The following SCRN1 variants were observed in gnomAD, a reference collection of about 807,000 sequenced individuals.
SCRN1 encodes secernin 1, also known as secernin-1.
SCRN1 carries 19 observed loss-of-function variants against 43.3 expected under a neutral mutation model. That is an observed-to-expected ratio of 0.44 (90% CI 0.31 to 0.64). The LOEUF (loss-of-function observed/expected upper bound fraction) is 0.64. Among genes scored for constraint, SCRN1 ranks in the 30% least tolerant of loss-of-function variants. The pLI, the probability that SCRN1 is intolerant of heterozygous loss-of-function variation, is 0.09. For missense variants in SCRN1, 447 were observed against 524.1 expected (o/e 0.85, Z 1.44); for synonymous variants, 183 against 188.9 (o/e 0.97, Z 0.26).
rs918207126 is a variant in SCRN1 at position 29,924,194 on chromosome 7, G to T, written c.1087-79C>A. 4.2e-6 allele frequency: 6 copies of T among 1,441,074 alleles called. No individual in the cohort carries two copies. In the South Asian group the frequency reaches 8.2e-5, roughly 20 times the overall value. The allele number at this position is 1,441,074 out of a possible 1,614,324, so 89.3% of individuals were successfully genotyped here. Reference sequence around the variant, plus strand: ...AGCGGACACTGAAACCCTCTAGGGGGCCAGCTGGCTTCCTGCTCAAGGTCC... The same window carrying T: ...AGCGGACACTGAAACCCTCTAGGGGTCCAGCTGGCTTCCTGCTCAAGGTCC... On this transcript the variant is annotated intron_variant, in intron 7 of 7. Coordinates refer to ENST00000242059, the MANE Select transcript of SCRN1 (RefSeq NM_014766.5).
Position 29,923,889 on chromosome 7 carries a change from G to A in SCRN1, c.*68C>T, listed in dbSNP as rs1786851367. ...TCTCATTTTACTCAAACAGGAGAGT[G>A]GTTTGTTTTGCTGGTAATTTAGTAA... is the stretch of plus-strand genomic sequence containing the variant. On this transcript the variant is annotated 3_prime_UTR_variant, in exon 8 of 8. Coordinates refer to ENST00000242059, the MANE Select transcript of SCRN1 (RefSeq NM_014766.5). 1 of 1,487,600 alleles carries A rather than the reference G, an allele frequency of 6.7e-7. No individual in the cohort carries two copies. The highest frequency in any genetic ancestry group is 9.1e-7 in the Non-Finnish European group (1 of 1,098,934). The allele number at this position is 1,487,600 out of a possible 1,614,324, so 92.2% of individuals were successfully genotyped here.
At chr7:29,978,806 C>T (rs1788908325) in intron 1 of SCRN1, among the ~76,000 whole-genome samples, 1 of 152,198 alleles carries the variant, frequency 6.6e-6, no homozygotes, top group Non-Finnish European at 1.5e-5. Context: ...ACTAATTTTA[C>T]CTTTTGGCCA....
In SCRN1 at chr7:29,965,447, G is replaced by A. The variant is rs113702078; in HGVS notation, c.159+3462C>T. Among the ~76,000 whole-genome samples the A allele has an allele frequency of 7.6e-4, 115 of 152,232 alleles. No individual in the cohort carries two copies. Among genetic ancestry groups the A allele is most frequent in the African/African-American group, 2.2e-3 (90 of 41,530 alleles). On this transcript the variant is annotated intron_variant, in intron 2 of 7. Coordinates refer to ENST00000242059, the MANE Select transcript of SCRN1 (RefSeq NM_014766.5). This position sits in a 1 kb window ranked among gnomAD's most constrained non-coding sequence, Gnocchi z 4.2. ...ATGGACAAACAAGAGAGGGGGCAGC[G>A]GGACTCAGTGACAGCTGTCCCTGTG...
At chr7:29,925,354 C>T (rs185451634) in intron 7 of SCRN1, among the ~76,000 whole-genome samples, 12 of 152,230 alleles carry the variant, frequency 7.9e-5, no homozygotes, top group African/African-American at 2.9e-4. Context: ...TCTTGATATC[C>T]TTTTTCTATA....
In SCRN1 at chr7:29,921,154, T is replaced by C. The variant is rs1032343115; in HGVS notation, c.*2803A>G. The C allele has an allele frequency of 1.3e-5, 2 of 152,724 alleles. No individual in the cohort carries two copies. The highest frequency in any genetic ancestry group is 2.4e-5 in the African/African-American group (1 of 41,470). 9.5% of individuals were successfully genotyped at this position (152,724 alleles called of 1,614,324 possible). A position where few individuals can be genotyped will look rare whatever the true frequency, so the allele number is the denominator to read the frequency against. ...GGAGAGATTCTGTCCTTTCTGGCTATGGCTTCTTTCTGCACAAGCATGCTC... is the reference window on the plus strand; with the variant it reads ...GGAGAGATTCTGTCCTTTCTGGCTACGGCTTCTTTCTGCACAAGCATGCTC... On this transcript the variant is annotated 3_prime_UTR_variant, in exon 8 of 8. Transcript: ENST00000242059.
At chr7:29,924,568 C>T (rs1259953700) in intron 7 of SCRN1, among the ~76,000 whole-genome samples, 3 of 152,200 alleles carry the variant, frequency 2.0e-5, no homozygotes, top group Non-Finnish European at 2.9e-5. Context: ...TCCTCTTCCC[C>T]GCACAGTGCC....
At position 29,947,284 on chromosome 7, in the gene SCRN1, A is replaced by T. The variant is rs949090850; in HGVS notation, c.342-3105T>A. The T allele has an allele frequency of 1.9e-6, 3 of 1,550,702 alleles. No individual in the cohort carries two copies. In the African/African-American group the frequency reaches 4.1e-5, roughly 21 times the overall value. ...CCCATGACCTTCTCACAGGTATGTCAAGCTCACCCTGCCCGTTCCTGAAAA... is the reference window on the plus strand; with the variant it reads ...CCCATGACCTTCTCACAGGTATGTCTAGCTCACCCTGCCCGTTCCTGAAAA... On this transcript the variant is annotated intron_variant, in intron 3 of 7. Coordinates refer to ENST00000242059, the MANE Select transcript of SCRN1 (RefSeq NM_014766.5).
intron 3 of SCRN1, among the ~76,000 whole-genome samples, chr7:29,952,053 G>A (rs1787950779): frequency 6.6e-6 from 1 of 152,246 alleles, no homozygotes; most frequent in African/African-American, 2.4e-5. Context: ...CAAGGCCAGA[G>A]AAAGTAGTGG....
chr7:29,969,125 G>C lies in SCRN1; in HGVS notation c.-1-57C>G, dbSNP rs1292726593. ...AGGCCTCACATGGAACACTCCAACA[G>C]TGAGTTCTTCAAACATATTTCACCA... is the stretch of plus-strand genomic sequence containing the variant. On this transcript the variant is annotated intron_variant, in intron 1 of 7. Transcript: ENST00000242059. 13 of 1,565,718 alleles carry C rather than the reference G, an allele frequency of 8.3e-6. No homozygotes were observed. In the East Asian group the frequency reaches 9.3e-5, roughly 11 times the overall value.
In SCRN1 at chr7:29,950,058, T is replaced by A. The variant is rs1007023290; in HGVS notation, c.341+5121A>T. ...GGTGGGAGCCCCACCCCCTACCAAG[T>A]TGGCAGGGTGGGAGCCCCATGCTCC... is the stretch of plus-strand genomic sequence containing the variant. On this transcript the variant is annotated intron_variant, in intron 3 of 7. Coordinates refer to ENST00000242059, the MANE Select transcript of SCRN1 (RefSeq NM_014766.5). This position sits in a 1 kb window ranked among gnomAD's most constrained non-coding sequence, Gnocchi z 4.5. Among the ~76,000 whole-genome samples the A allele has an allele frequency of 2.0e-5, 3 of 152,104 alleles. No individual in the cohort carries two copies. The highest frequency in any genetic ancestry group is 4.4e-5 in the Non-Finnish European group (3 of 67,994).
At position 29,940,864 on chromosome 7, in the gene SCRN1, C is replaced by A; in HGVS notation, c.557G>T (p.Cys186Phe). 1 of 1,545,116 alleles carries A rather than the reference C, an allele frequency of 6.5e-7. No individual in the cohort carries two copies. The highest frequency in any genetic ancestry group is 8.7e-7 in the Non-Finnish European group (1 of 1,152,934). ...GGTGAGCGAAAGCTGACTGCAAATG[C>A]ACCTCACTCCCTCTGCAGAGAGTGC... ...AAEKVTEGVR[C>F]ICSQLSLTTK... is the part of the protein sequence containing the mutation. Residue 186 changes from cysteine to phenylalanine, a missense_variant, in exon 5 of 8, where the codon TGC becomes TTC. Coordinates refer to ENST00000242059, the MANE Select transcript of SCRN1 (RefSeq NM_014766.5).
intron 7 of SCRN1, among the ~76,000 whole-genome samples, chr7:29,926,054 G>A: frequency 6.6e-6 from 1 of 152,136 alleles, no homozygotes; most frequent in South Asian, 2.1e-4. Flanking sequence ...AACAACATAT[G>A]ATTGTATCTT....
At chr7:29,966,020 C>G (rs938784239) in intron 2 of SCRN1, among the ~76,000 whole-genome samples, 1 of 151,850 alleles carries the variant, frequency 6.6e-6, no homozygotes, top group African/African-American at 2.4e-5. Flanking sequence ...TGGATTTGAA[C>G]AGCAAACAGC....
In SCRN1 at chr7:29,940,880, C is replaced by T. The variant is rs1787521777; in HGVS notation, c.545-4G>A. The stretch of plus-strand genomic sequence containing the variant: ...CTGCAAATGCACCTCACTCCCTCTG[C>T]AGAGAGTGCAAAGCCCCATAAGTTA... On this transcript the variant is annotated splice_polypyrimidine_tract_variant and splice_region_variant and intron_variant, in intron 4 of 7. Transcript: ENST00000242059. The T allele has an allele frequency of 6.6e-7, 1 of 1,514,500 alleles. No homozygotes were observed. 93.8% of individuals were successfully genotyped at this position (1,514,500 alleles called of 1,614,324 possible). A position where few individuals can be genotyped will look rare whatever the true frequency, so the allele number is the denominator to read the frequency against.
intron 5 of SCRN1, among the ~76,000 whole-genome samples, chr7:29,940,295 C>T (rs1787494809): frequency 6.6e-6 from 1 of 152,086 alleles, no homozygotes; most frequent in African/African-American, 2.4e-5. Context: ...CAAAAAGGGA[C>T]CCTAAGATGA....
At chr7:29,978,955 A>T (rs1250592321) in intron 1 of SCRN1, among the ~76,000 whole-genome samples, 1 of 152,276 alleles carries the variant, frequency 6.6e-6, no homozygotes, top group Admixed American at 6.5e-5. Flanking sequence ...GTTGTGCTTC[A>T]AAACCTACAT....
chr7:29,963,893 A>G (rs1274660917), intron 2 of SCRN1, among the ~76,000 whole-genome samples: 3 of 152,264 alleles, frequency 2.0e-5, no homozygotes, highest in Non-Finnish European at 4.4e-5. Flanking sequence ...ACTTTTCTGT[A>G]AGTTCAAAGT....
intron 1 of SCRN1, among the ~76,000 whole-genome samples, chr7:29,981,659 C>T (rs1197368640): frequency 6.6e-6 from 1 of 152,184 alleles, no homozygotes; most frequent in Non-Finnish European, 1.5e-5. Context: ...TGACATTCCA[C>T]CCAGTTCCCT....
At chr7:29,951,776 A>G (rs1176330963) in intron 3 of SCRN1, among the ~76,000 whole-genome samples, 2 of 152,254 alleles carry the variant, frequency 1.3e-5, no homozygotes, top group Non-Finnish European at 2.9e-5. Context: ...ACAAGCCTCT[A>G]GGAAACATAC....
Sources: gnomAD v4.1 joint callset for allele counts (sites outside exome capture counted in the v4.1 genomes callset) on GRCh38, gnomAD v4.1.1 for gene constraint, Gnocchi (gnomAD v3.1) non-coding constraint, MANE v1.5 for transcripts, NCBI Gene and HGNC (gene_info 2026-07-23, HGNC 2026-07-21) for gene names.